Variants in PRKG1 observed in about 807,000 individuals in gnomAD.
PRKG1 encodes the protein cGMP-dependent protein kinase 1.
A neutral mutation model predicts 88.1 loss-of-function variants in PRKG1; 35 were observed. That is an observed-to-expected ratio of 0.40 (90% confidence interval 0.30 to 0.53). The LOEUF is 0.53. PRKG1 is among the 20% of genes least tolerant of loss of function. The pLI is 0.59. For missense variants in PRKG1, 540 were observed against 839.8 expected, an observed-to-expected ratio of 0.64 and a Z score of 4.41; for synonymous variants, 303 against 292.5, an observed-to-expected ratio of 1.04 and a Z score of -0.37.
chr10:51,534,908 C>A (rs1842108665), intron 3 of PRKG1, among the ~76,000 whole-genome samples: 1 of 152,032 alleles, frequency 6.6e-6, no homozygotes, highest in African/African-American at 2.4e-5. Context: ...ATATTGCTCA[C>A]TTTATTATAC....
intron 5 of PRKG1, among the ~76,000 whole-genome samples, chr10:51,914,923 A>G (rs994006649): frequency 6.6e-6 from 1 of 152,236 alleles, no homozygotes; most frequent in African/African-American, 2.4e-5. Context: ...AGACAAAAAA[A>G]TAGGCAAAGA....
chr10:51,331,012 C>A (rs989081898), intron 2 of PRKG1, among the ~76,000 whole-genome samples: 2 of 152,128 alleles, frequency 1.3e-5, no homozygotes, highest in African/African-American at 4.8e-5. Context: ...TGTGCCACAG[C>A]AGTTGCAGTC....
intron 12 of PRKG1, among the ~76,000 whole-genome samples, chr10:52,276,249 C>G (rs1020383892): frequency 1.2e-4 from 19 of 152,064 alleles, no homozygotes; most frequent in African/African-American, 4.3e-4. Flanking sequence ...GAGTGGGCAT[C>G]CTTATTTTGT....
In PRKG1 at chr10:51,258,873, A is replaced by G. The variant is rs552820349; in HGVS notation, c.478+105543A>G. Among the ~76,000 whole-genome samples, 13 of 152,360 alleles carry G rather than the reference A, an allele frequency of 8.5e-5. No individual in the cohort carries two copies. The South Asian group carries it at 2.7e-3, about 32-fold the overall frequency. The stretch of plus-strand genomic sequence containing the variant: ...GATCTTATTTTTCTCCAGGAGATGC[A>G]TTGTGGATCTCAAGAAAGAGTGAGT... On this transcript the variant is annotated intron_variant, in intron 2 of 17. Coordinates refer to ENST00000373980, the MANE Select transcript of PRKG1 (RefSeq NM_006258.4).
intron 3 of PRKG1, among the ~76,000 whole-genome samples, chr10:51,547,097 A>G (rs1842460167): frequency 1.3e-5 from 2 of 152,080 alleles, no homozygotes; most frequent in African/African-American, 4.8e-5. Flanking sequence ...GAGCCTCATC[A>G]CAGACAGGTT....
At chr10:51,098,152 T>C (rs1470871491) in intron 1 of PRKG1, among the ~76,000 whole-genome samples, 1 of 152,164 alleles carries the variant, frequency 6.6e-6, no homozygotes, top group African/African-American at 2.4e-5. Context: ...TTAGGAGAGA[T>C]AGTATGCATA....
chr10:51,442,003 A>C (rs1017717617), intron 2 of PRKG1, among the ~76,000 whole-genome samples: 1 of 151,904 alleles, frequency 6.6e-6, no homozygotes, highest in African/African-American at 2.4e-5. Context: ...TATTCTTCCA[A>C]GTTTAAGTTA....
At chr10:51,176,187 C>T (rs1589221460) in intron 2 of PRKG1, among the ~76,000 whole-genome samples, 1 of 152,024 alleles carries the variant, frequency 6.6e-6, no homozygotes, top group East Asian at 1.9e-4. Context: ...TACATTATCT[C>T]ATTAAATCCT....
At chr10:51,492,984 G>C (rs927599821) in intron 3 of PRKG1, among the ~76,000 whole-genome samples, 1 of 152,052 alleles carries the variant, frequency 6.6e-6, no homozygotes, top group Non-Finnish European at 1.5e-5. Context: ...CCAGTAATTA[G>C]TCTGTTTCTC....
At chr10:51,709,881 C>T (rs137994964) in intron 3 of PRKG1, among the ~76,000 whole-genome samples, 2,507 of 152,262 alleles carry the variant, frequency 0.016, 37 homozygotes, top group Admixed American at 0.025. Context: ...TTTGCATCCC[C>T]ACCAGGAAGG....
At chr10:51,203,198 C>A (rs1461984667) in intron 2 of PRKG1, among the ~76,000 whole-genome samples, 1 of 152,052 alleles carries the variant, frequency 6.6e-6, no homozygotes, top group African/African-American at 2.4e-5. Flanking sequence ...GAAGGATATA[C>A]GTATTAAACA....
intron 2 of PRKG1, among the ~76,000 whole-genome samples, chr10:51,425,374 T>A (rs1356716566): frequency 6.6e-6 from 1 of 152,238 alleles, no homozygotes; most frequent in East Asian, 1.9e-4. Context: ...CCACTATCTA[T>A]TAAAAAATAC....
intron 9 of PRKG1, among the ~76,000 whole-genome samples, chr10:52,237,125 A>T (rs1030638980): frequency 2.5e-5 from 2 of 80,066 alleles, no homozygotes; most frequent in African/African-American, 7.0e-5. Context: ...ACAACCCTTC[A>T]TGCTAAAAAC....
rs190028205 is a variant in PRKG1 at position 51,338,225 on chromosome 10, G to A, written c.479-129498G>A. On this transcript the variant is annotated intron_variant, in intron 2 of 17. Coordinates refer to ENST00000373980, the MANE Select transcript of PRKG1 (RefSeq NM_006258.4). ...TGGGGCCTGTTGGGCAGTTGGGTAA[G>A]GGGAGGGAGAGCATTAGGAAAAATA... Among the ~76,000 whole-genome samples the A allele has an allele frequency of 4.7e-4, 71 of 152,280 alleles. 1 individual carries two copies. The East Asian group carries it at 0.012, about 26-fold the overall frequency.
At chr10:51,944,604 T>G (rs894913844) in intron 5 of PRKG1, among the ~76,000 whole-genome samples, 6 of 152,116 alleles carry the variant, frequency 3.9e-5, no homozygotes, top group Non-Finnish European at 7.3e-5. Flanking sequence ...TGCTATAAAT[T>G]TCCTTCTACA....
chr10:52,065,957 G>T (rs1350140006), intron 7 of PRKG1, among the ~76,000 whole-genome samples: 1 of 151,976 alleles, frequency 6.6e-6, no homozygotes, highest in African/African-American at 2.4e-5. Flanking sequence ...ACAAACTGAG[G>T]TCGCAAGTGG....
At chr10:51,369,576 G>T (rs1842659192) in intron 2 of PRKG1, among the ~76,000 whole-genome samples, 1 of 152,132 alleles carries the variant, frequency 6.6e-6, no homozygotes, top group African/African-American at 2.4e-5. Context: ...GTAGGGTGTA[G>T]AAGAGTTAGT....
At chr10:52,187,107 C>T (rs1237922561) in intron 9 of PRKG1, among the ~76,000 whole-genome samples, 1 of 152,076 alleles carries the variant, frequency 6.6e-6, no homozygotes, top group Non-Finnish European at 1.5e-5. Flanking sequence ...CAAAAAAAAT[C>T]AGAATTTTAA....
chr10:51,977,737 T>C (rs1843883462), intron 5 of PRKG1, among the ~76,000 whole-genome samples: 2 of 152,144 alleles, frequency 1.3e-5, no homozygotes, highest in African/African-American at 2.4e-5. Flanking sequence ...TGAGCTTTTT[T>C]TTCATATGCT....
Sources: gnomAD v4.1 joint callset for allele counts (sites outside exome capture counted in the v4.1 genomes callset) on GRCh38, gnomAD v4.1.1 for gene constraint, MANE v1.5 for transcripts, NCBI Gene and HGNC (gene_info 2026-07-23, HGNC 2026-07-21) for gene names.